Variants in NMRK1 observed in about 807,000 individuals in gnomAD.
The protein encoded by NMRK1 is NRK 1.
Under a neutral mutation model 29.9 loss-of-function variants are expected in NMRK1, and 28 were observed. The observed-to-expected ratio is 0.94, with a 90% CI of 0.69 to 1.28. The LOEUF (loss-of-function observed/expected upper bound fraction) is 1.28, where lower values mean the gene tolerates loss of function less well. Among genes scored for constraint, NMRK1 ranks in the 50% most tolerant of loss-of-function variants. NMRK1 has a pLI of 0.00. For synonymous variants in NMRK1, 58 were observed against 73.0 expected (o/e 0.79, Z 1.05); for missense variants, 218 against 233.1 (o/e 0.94, Z 0.42).
Position 75,069,461 on chromosome 9 carries a change from C to T in NMRK1, c.389+281G>A, listed in dbSNP as rs1156643522. On this transcript the variant is annotated intron_variant, in intron 6 of 8. Coordinates refer to ENST00000361092, the MANE Select transcript of NMRK1 (RefSeq NM_017881.3). ...TTGTAGCTGTGGCAGAACAGGCTCA[C>T]TTACATTAAAATCCTAATCACCATG... 17 of 481,254 alleles carry T rather than the reference C, an allele frequency of 3.5e-5. No homozygotes were observed. In the East Asian group the frequency reaches 6.6e-4, roughly 19 times the overall value. The allele number at this position is 481,254 out of a possible 1,614,324, so 29.8% of individuals were successfully genotyped here. A position where few individuals can be genotyped will look rare whatever the true frequency, so the allele number is the denominator to read the frequency against.
chr9:75,082,937 GCCAGTGCT>G, intron 2 of NMRK1, 142 bp downstream of exon 2: 1 of 637,284 alleles, frequency 1.6e-6, no homozygotes, highest in Admixed American at 2.9e-5. Context: ...CATTTATGAA[GCCAGTGCT>G]CCACTGATAT....
chr9:75,066,894 A>G (rs1587361210), intron 7 of NMRK1, 54 bp from the exon 8 acceptor site: 2 of 990,680 alleles, frequency 2.0e-6, no homozygotes, highest in Non-Finnish European at 1.6e-6. Flanking sequence ...TTAATATACA[A>G]TGTTTACTTT....
rs907330906 is a variant in NMRK1, at chr9:75,060,823, T to C, written c.*725A>G. 4 of 148,104 alleles carry C rather than the reference T, an allele frequency of 2.7e-5. No individual in the cohort carries two copies. Among genetic ancestry groups the C allele is most frequent in the African/African-American group, 5.1e-5 (2 of 39,434 alleles). The allele number at this position is 148,104 out of a possible 1,614,324, so 9.2% of individuals were successfully genotyped here. ...ACCAGAAACCCTATTTGTAACAAAG[T>C]CTCAACAATGAGATACAATGGTATT... On this transcript the variant is annotated 3_prime_UTR_variant, in exon 9 of 9. Coordinates refer to ENST00000361092, the MANE Select transcript of NMRK1 (RefSeq NM_017881.3).
intron 4 of NMRK1, among the ~76,000 whole-genome samples, chr9:75,070,626 T>C (rs1352777781): frequency 6.6e-6 from 1 of 152,228 alleles, no homozygotes; most frequent in Admixed American, 6.5e-5. Context: ...AAAAGTATGG[T>C]ACTTAAACCA....
intron 2 of NMRK1, among the ~76,000 whole-genome samples, chr9:75,081,741 T>A (rs1824333087): frequency 6.6e-6 from 1 of 152,178 alleles, no homozygotes; most frequent in African/African-American, 2.4e-5. Context: ...CCAATCAGTG[T>A]AATCCCACCT....
At chr9:75,077,056 T>C in intron 4 of NMRK1, 103 bp downstream of exon 4, 1 of 694,196 alleles carries the variant, frequency 1.4e-6, no homozygotes, top group East Asian at 2.6e-5. Flanking sequence ...TTTTTTTAAA[T>C]TTTTGTTCCA....
intron 1 of NMRK1, among the ~76,000 whole-genome samples, chr9:75,084,180 C>T (rs1390025352): frequency 1.3e-5 from 2 of 152,190 alleles, no homozygotes; most frequent in East Asian, 3.8e-4. Flanking sequence ...AGAATAGTGG[C>T]TCCTGAAGGT....
At chr9:75,063,204 G>A (rs1178230454) in intron 8 of NMRK1, among the ~76,000 whole-genome samples, 10 of 151,026 alleles carry the variant, frequency 6.6e-5, no homozygotes, top group African/African-American at 2.2e-4. Flanking sequence ...TACTCGGGAG[G>A]CTGAGGCAGG....
intron 6 of NMRK1, chr9:75,069,540 C>T (rs962344281): frequency 1.1e-5 from 6 of 549,078 alleles, no homozygotes; most frequent in Non-Finnish European, 1.6e-5. Flanking sequence ...TGATATAAGG[C>T]CCTTTTCTTA....
chr9:75,077,086 A>G (rs1407144366), intron 4 of NMRK1, 73 bp downstream of exon 4: 8 of 897,160 alleles, frequency 8.9e-6, no homozygotes, highest in Admixed American at 2.3e-5. Flanking sequence ...CAACTTCAAC[A>G]TAGTGAAGTT....
intron 4 of NMRK1, among the ~76,000 whole-genome samples, chr9:75,076,025 A>C (rs1823971140): frequency 6.6e-6 from 1 of 151,736 alleles, no homozygotes; most frequent in Non-Finnish European, 1.5e-5. Context: ...GAGATTCCTC[A>C]AAAAATTAAA....
intron 8 of NMRK1, among the ~76,000 whole-genome samples, chr9:75,064,781 CAA>C (rs779045938): frequency 6.6e-6 from 1 of 151,548 alleles, no homozygotes; most frequent in Non-Finnish European, 1.5e-5. Context: ...TGCTTCTCAC[CAA>C]AAAAAACATA....
At chr9:75,082,321 T>A (rs757025880) in intron 2 of NMRK1, among the ~76,000 whole-genome samples, 3 of 152,196 alleles carry the variant, frequency 2.0e-5, no homozygotes, top group Non-Finnish European at 4.4e-5. Flanking sequence ...AAAGCAGAGT[T>A]CTAACATTTA....
intron 2 of NMRK1, among the ~76,000 whole-genome samples, chr9:75,080,605 T>C (rs1035046128): frequency 6.6e-6 from 1 of 152,134 alleles, no homozygotes; most frequent in African/African-American, 2.4e-5. Flanking sequence ...TGAGCCGAGA[T>C]TGCACCACTG....
intron 1 of NMRK1, chr9:75,087,741 TC>T (rs747155916): frequency 5.3e-5 from 8 of 152,304 alleles, no homozygotes; most frequent in Non-Finnish European, 1.2e-4. Flanking sequence ...CCTGATCCTG[TC>T]CCTGGCGACT....
At chr9:75,070,978 C>G (rs1045896962) in intron 4 of NMRK1, among the ~76,000 whole-genome samples, 1 of 151,480 alleles carries the variant, frequency 6.6e-6, no homozygotes, top group African/African-American at 2.4e-5. Flanking sequence ...TCTGTTCCTT[C>G]TCTATTTTTT....
chr9:75,078,571 TG>T, intron 2 of NMRK1: 1 of 1,273,476 alleles, frequency 7.9e-7, no homozygotes, highest in Non-Finnish European at 9.9e-7. Context: ...TGTTTTAACC[TG>T]GGGCTCATGT....
At chr9:75,087,321 T>C (rs1216789922) in intron 1 of NMRK1, among the ~76,000 whole-genome samples, 1 of 152,214 alleles carries the variant, frequency 6.6e-6, no homozygotes, top group Non-Finnish European at 1.5e-5. Context: ...ATTTTGAACT[T>C]ATGCCATTGG....
chr9:75,080,311 C>T (rs1367042493), intron 2 of NMRK1, among the ~76,000 whole-genome samples: 2 of 152,104 alleles, frequency 1.3e-5, no homozygotes, highest in Non-Finnish European at 2.9e-5. Flanking sequence ...CATCTCTTTC[C>T]CCAGTGACTG....
Sources: allele counts gnomAD v4.1 joint callset (sites outside exome capture counted in the v4.1 genomes callset), GRCh38; gene constraint gnomAD v4.1.1; transcripts MANE v1.5; gene names NCBI Gene and HGNC (gene_info 2026-07-23, HGNC 2026-07-21).